The following SCFD2 variants were observed in gnomAD, a reference collection of about 807,000 sequenced individuals.
SCFD2 encodes the protein sec1 family domain-containing protein 2.
A neutral mutation model predicts 58.9 loss-of-function variants in SCFD2; 54 were observed. That is an observed-to-expected ratio of 0.92 (90% CI 0.74 to 1.15). The LOEUF is 1.15. Among genes scored for constraint, SCFD2 ranks in the 50% most tolerant of loss-of-function variants. The probability of loss-of-function intolerance (pLI) is 0.00; values close to 1 mark genes in which losing one functional copy is unlikely to be tolerated. For missense variants in SCFD2, 805 were observed against 836.6 expected, an observed-to-expected ratio of 0.96 and a Z score of 0.47; for synonymous variants, 321 against 335.9, an observed-to-expected ratio of 0.96 and a Z score of 0.49.
rs546616129 is a variant in SCFD2 at position 52,882,234 on chromosome 4, A to G, written c.1962+3513T>C. The stretch of plus-strand genomic sequence containing the variant: ...TGGAGAAGAGAAGACCTGGGGGAGG[A>G]CATGGGAGCTATCTTCATATGTCTG... On this transcript the variant is annotated intron_variant, in intron 8 of 8. Transcript: ENST00000401642. Among the ~76,000 whole-genome samples the G allele has an allele frequency of 5.9e-5, 9 of 152,276 alleles. No homozygotes were observed. In the East Asian group the frequency reaches 1.7e-3, roughly 29 times the overall value.
chr4:53,233,160 G>GA lies in SCFD2; in HGVS notation c.1311+40665dup, dbSNP rs981550255. Among the ~76,000 whole-genome samples the GA allele has an allele frequency of 2.0e-4, 30 of 149,542 alleles. No individual in the cohort carries two copies. The South Asian group carries it at 2.3e-3, about 12-fold the overall frequency. On this transcript the variant is annotated intron_variant, in intron 4 of 8. Transcript: ENST00000401642. ...GTTTCTCCAAGGCTAATGCTAAAAAGAAAAAAAAATCAATTAGTGTTATGT... is the reference window on the plus strand; with the variant it reads ...GTTTCTCCAAGGCTAATGCTAAAAAGAAAAAAAAAATCAATTAGTGTTATGT...
intron 5 of SCFD2, among the ~76,000 whole-genome samples, chr4:53,116,683 A>G (rs1725328752): frequency 6.6e-6 from 1 of 152,212 alleles, no homozygotes; most frequent in African/African-American, 2.4e-5. Context: ...CTGAAGCTGG[A>G]TGGCCTTGGA....
At chr4:53,362,561 CAAAG>C (rs1279121880) in intron 1 of SCFD2, among the ~76,000 whole-genome samples, 1 of 151,780 alleles carries the variant, frequency 6.6e-6, no homozygotes, top group Non-Finnish European at 1.5e-5. Context: ...GGTAATAAAA[CAAAG>C]GAAGTTTCTG....
chr4:53,067,831 G>C (rs1036367531), intron 5 of SCFD2, among the ~76,000 whole-genome samples: 2 of 152,038 alleles, frequency 1.3e-5, no homozygotes, highest in African/African-American at 4.8e-5. Flanking sequence ...GAGAACAGAG[G>C]TTATAACCAG....
At chr4:53,183,171 T>G (rs1727629368) in intron 4 of SCFD2, among the ~76,000 whole-genome samples, 1 of 152,208 alleles carries the variant, frequency 6.6e-6, no homozygotes. Context: ...GAAAGGATTA[T>G]AAATCATGCT....
chr4:53,298,123 T>C (rs1305260328), intron 3 of SCFD2, among the ~76,000 whole-genome samples: 1 of 152,024 alleles, frequency 6.6e-6, no homozygotes, highest in Non-Finnish European at 1.5e-5. Context: ...CAGCACACCA[T>C]GCGTGAGCCG....
At chr4:53,165,082 C>T (rs1726967653) in intron 4 of SCFD2, among the ~76,000 whole-genome samples, 2 of 152,188 alleles carry the variant, frequency 1.3e-5, no homozygotes, top group Non-Finnish European at 2.9e-5. Flanking sequence ...CTCCTTGTTC[C>T]CTTACTCTTG....
At chr4:52,919,342 A>G (rs972133564) in intron 6 of SCFD2, among the ~76,000 whole-genome samples, 2 of 152,232 alleles carry the variant, frequency 1.3e-5, no homozygotes, top group African/African-American at 4.8e-5. Context: ...TTTTGGAACT[A>G]GTCCACATTA....
chr4:53,360,615 C>T (rs1734524107), intron 1 of SCFD2, among the ~76,000 whole-genome samples: 1 of 152,338 alleles, frequency 6.6e-6, no homozygotes, highest in Non-Finnish European at 1.5e-5. Flanking sequence ...TGACCTCACC[C>T]TTCTCAGGAG....
At chr4:53,290,094 C>G (rs1731791240) in intron 3 of SCFD2, among the ~76,000 whole-genome samples, 3 of 152,248 alleles carry the variant, frequency 2.0e-5, no homozygotes, top group Admixed American at 1.3e-4. Context: ...TAAGGAAATA[C>G]TGGACTTGAA....
intron 2 of SCFD2, among the ~76,000 whole-genome samples, chr4:53,330,141 G>A (rs1469624829): frequency 1.3e-5 from 2 of 152,138 alleles, no homozygotes; most frequent in Non-Finnish European, 2.9e-5. Flanking sequence ...AAAGTGATGG[G>A]GAGAATGGAA....
chr4:53,019,664 G>A (rs13340297), intron 5 of SCFD2, among the ~76,000 whole-genome samples: 11,075 of 152,100 alleles, frequency 0.073, 526 homozygotes, highest in African/African-American at 0.13. Flanking sequence ...TTCCTTCTGT[G>A]AGACATATCA....
At chr4:53,306,062 C>A (rs1732503819) in intron 3 of SCFD2, among the ~76,000 whole-genome samples, 1 of 152,150 alleles carries the variant, frequency 6.6e-6, no homozygotes, top group African/African-American at 2.4e-5. Context: ...CCCAACTACT[C>A]TGAGTCTGGT....
chr4:53,225,360 CA>C (rs941913709), intron 4 of SCFD2, among the ~76,000 whole-genome samples: 10 of 152,194 alleles, frequency 6.6e-5, no homozygotes, highest in Middle Eastern at 3.4e-3. Flanking sequence ...GAAAACTGAA[CA>C]TTTTTTTCAT....
intron 4 of SCFD2, among the ~76,000 whole-genome samples, chr4:53,253,500 CAAT>C (rs1453352593): frequency 6.6e-6 from 1 of 152,018 alleles, no homozygotes; most frequent in Non-Finnish European, 1.5e-5. Context: ...AAATGTCCAA[CAAT>C]GATAGACTGG....
intron 2 of SCFD2, among the ~76,000 whole-genome samples, chr4:53,340,757 C>T (rs1268104286): frequency 6.6e-6 from 1 of 152,172 alleles, no homozygotes; most frequent in Non-Finnish European, 1.5e-5. Flanking sequence ...CTCTCTGAGA[C>T]GAAGCTTCCA....
intron 8 of SCFD2, among the ~76,000 whole-genome samples, chr4:52,878,575 G>A (rs1262176301): frequency 6.6e-6 from 1 of 152,008 alleles, no homozygotes; most frequent in Non-Finnish European, 1.5e-5. Flanking sequence ...ACATTATTTG[G>A]CTAAGATCAC....
chr4:53,000,513 T>C lies in SCFD2; in HGVS notation c.1562-79643A>G, dbSNP rs1394867998. ...CATGAGGCATCTGACTTTGCACCTATTCTACTGGAGGAAAGGTAAGAAATC... is the reference window on the plus strand; with the variant it reads ...CATGAGGCATCTGACTTTGCACCTACTCTACTGGAGGAAAGGTAAGAAATC... On this transcript the variant is annotated intron_variant, in intron 5 of 8. Transcript: ENST00000401642. Among the ~76,000 whole-genome samples, 3 of 152,168 alleles carry C rather than the reference T, an allele frequency of 2.0e-5. No homozygotes were observed. The East Asian group carries it at 5.8e-4, about 29-fold the overall frequency.
intron 5 of SCFD2, among the ~76,000 whole-genome samples, chr4:52,966,576 G>A (rs145793152): frequency 1.7e-3 from 255 of 152,094 alleles, no homozygotes; most frequent in African/African-American, 5.8e-3. Flanking sequence ...TCTTTATCTG[G>A]TTCTTCCCAT....
Sources: allele counts gnomAD v4.1 joint callset (sites outside exome capture counted in the v4.1 genomes callset), GRCh38; gene constraint gnomAD v4.1.1; transcripts MANE v1.5; gene names NCBI Gene and HGNC (gene_info 2026-07-23, HGNC 2026-07-21).